Variants in SH3RF1 observed in about 807,000 individuals in gnomAD.
SH3RF1 encodes the protein SH3 domain containing ring finger 1.
In SH3RF1, 32 loss-of-function variants were observed where a neutral mutation model predicts 74.0. The ratio of observed to expected loss-of-function variants is 0.43; its 90% CI spans 0.33 to 0.58. SH3RF1 has a LOEUF of 0.58. Among genes scored for constraint, SH3RF1 ranks in the 20% least tolerant of loss-of-function variants. SH3RF1 has a pLI of 0.05. For synonymous variants in SH3RF1, 396 were observed against 439.6 expected (o/e 0.90, Z 1.24); for missense variants, 954 against 1,130.9 (o/e 0.84, Z 2.24).
At chr4:169,178,895 G>A (rs1734465751) in intron 2 of SH3RF1, among the ~76,000 whole-genome samples, 1 of 152,162 alleles carries the variant, frequency 6.6e-6, no homozygotes, top group African/African-American at 2.4e-5. Context: ...GTAATATCAA[G>A]TTACTTATTT....
intron 2 of SH3RF1, among the ~76,000 whole-genome samples, chr4:169,183,038 G>T (rs1041658695): frequency 2.0e-5 from 3 of 152,142 alleles, no homozygotes; most frequent in Non-Finnish European, 2.9e-5. Flanking sequence ...GGGCATGGTG[G>T]TTCATGCCTG....
At chr4:169,187,211 C>A (rs1734620341) in intron 2 of SH3RF1, among the ~76,000 whole-genome samples, 1 of 152,056 alleles carries the variant, frequency 6.6e-6, no homozygotes, top group Non-Finnish European at 1.5e-5. Flanking sequence ...TATGTGCTGA[C>A]TGATTGAAAC....
intron 3 of SH3RF1, 32 bp downstream of exon 3, chr4:169,156,372 G>T: frequency 6.6e-7 from 1 of 1,526,196 alleles, no homozygotes; most frequent in Non-Finnish European, 8.8e-7. Flanking sequence ...GGTAGAGCTG[G>T]CAAACAGAAA....
chr4:169,155,648 T>C (rs904802445), intron 3 of SH3RF1, 73 bp from the exon 4 acceptor site: 5 of 1,153,430 alleles, frequency 4.3e-6, no homozygotes, highest in Non-Finnish European at 2.6e-6. Context: ...TAATTTTCCT[T>C]TTCAATAAAG....
rs200277355 is a variant in SH3RF1 at position 169,192,782 on chromosome 4, CAT to C, written c.394-36105_394-36104del. On this transcript the variant is annotated intron_variant, in intron 2 of 11. Transcript: ENST00000284637. ...AAAGAAGCTGTTTCATATATATATA[CAT>C]ATATGTTTCTTTTATATATATATGA... Among the ~76,000 whole-genome samples the C allele has an allele frequency of 6.9e-3, 1,022 of 147,288 alleles. 9 individuals carry two copies. Among genetic ancestry groups the C allele is most frequent in the African/African-American group, 0.024 (942 of 39,310 alleles).
chr4:169,152,804 C>T (rs2126963171), intron 4 of SH3RF1, among the ~76,000 whole-genome samples: 1 of 152,294 alleles, frequency 6.6e-6, no homozygotes, highest in South Asian at 2.1e-4. Context: ...CACCTTACTC[C>T]AGTGCACGTG....
At chr4:169,243,263 T>C (rs1730942249) in intron 2 of SH3RF1, among the ~76,000 whole-genome samples, 1 of 152,190 alleles carries the variant, frequency 6.6e-6, no homozygotes, top group African/African-American at 2.4e-5. Flanking sequence ...AAATTAGAAC[T>C]GAACTTTGGG....
chr4:169,203,436 A>G (rs1028136488), intron 2 of SH3RF1, among the ~76,000 whole-genome samples: 5 of 152,176 alleles, frequency 3.3e-5, no homozygotes, highest in Admixed American at 2.0e-4. Flanking sequence ...CTGTAATCCC[A>G]GCTACTTGGA....
chr4:169,168,057 T>A (rs1734275521), intron 2 of SH3RF1, among the ~76,000 whole-genome samples: 1 of 152,174 alleles, frequency 6.6e-6, no homozygotes, highest in African/African-American at 2.4e-5. Context: ...GAAGGATCAC[T>A]TGAGCCCAGG....
intron 7 of SH3RF1, among the ~76,000 whole-genome samples, chr4:169,121,535 G>A (rs959346946): frequency 1.3e-5 from 2 of 152,128 alleles, no homozygotes; most frequent in African/African-American, 2.4e-5. Flanking sequence ...ATCACAAAAC[G>A]TACAAGACAA....
At chr4:169,148,588 C>T (rs77617403) in intron 4 of SH3RF1, among the ~76,000 whole-genome samples, 2,642 of 152,196 alleles carry the variant, frequency 0.017, 70 homozygotes, top group African/African-American at 0.061. Context: ...ATATCCTTTA[C>T]ATAAGATATG....
At chr4:169,175,001 C>T (rs1328542488) in intron 2 of SH3RF1, among the ~76,000 whole-genome samples, 2 of 152,174 alleles carry the variant, frequency 1.3e-5, no homozygotes, top group Non-Finnish European at 2.9e-5. Flanking sequence ...TTCCACCTAC[C>T]CCCATGAAAA....
chr4:169,126,011 CTA>C (rs1733518386), intron 6 of SH3RF1, among the ~76,000 whole-genome samples: 2 of 152,200 alleles, frequency 1.3e-5, no homozygotes, highest in African/African-American at 4.8e-5. Flanking sequence ...CATAAGGTCT[CTA>C]TGTTTCACTA....
chr4:169,256,512 G>A (rs1191954242), intron 2 of SH3RF1, among the ~76,000 whole-genome samples: 2 of 152,186 alleles, frequency 1.3e-5, no homozygotes, highest in Admixed American at 6.5e-5. Flanking sequence ...AAAACAGAAC[G>A]AAATGTTCTA....
At chr4:169,199,807 G>T (rs1258773440) in intron 2 of SH3RF1, among the ~76,000 whole-genome samples, 1 of 152,016 alleles carries the variant, frequency 6.6e-6, no homozygotes, top group African/African-American at 2.4e-5. Context: ...AAATATTAAG[G>T]TAAGGTGACA....
At chr4:169,117,824 C>T in intron 8 of SH3RF1, 42 bp from the exon 9 acceptor site, 1 of 1,575,276 alleles carries the variant, frequency 6.3e-7, no homozygotes, top group Non-Finnish European at 8.7e-7. Context: ...AGTCCATCAG[C>T]AAAATGACAG....
At position 169,187,646 on chromosome 4, in the gene SH3RF1, A is replaced by G. The variant is rs1412112962; in HGVS notation, c.394-30967T>C. On this transcript the variant is annotated intron_variant, in intron 2 of 11. Transcript: ENST00000284637. ...ATAACAACAAAGTAATAAAAGTCTG[A>G]TTAAAGACAAATTATCTGACCAGGC... 3.3e-5 allele frequency among the ~76,000 whole-genome samples: 5 copies of G among 152,152 alleles called. No homozygotes were observed. In the East Asian group the frequency reaches 7.7e-4, roughly 24 times the overall value.
chr4:169,238,098 G>A (rs927759331), intron 2 of SH3RF1, among the ~76,000 whole-genome samples: 1 of 152,216 alleles, frequency 6.6e-6, no homozygotes, highest in Admixed American at 6.5e-5. Context: ...AGCTGTCTTT[G>A]CTGTATTCAG....
chr4:169,157,779 T>C (rs1393414837), intron 2 of SH3RF1, among the ~76,000 whole-genome samples: 1 of 152,122 alleles, frequency 6.6e-6, no homozygotes, highest in African/African-American at 2.4e-5. Context: ...TCTTGCTCTG[T>C]TGCCCAGGCT....
Sources: gnomAD v4.1 joint callset for allele counts (sites outside exome capture counted in the v4.1 genomes callset) on GRCh38, gnomAD v4.1.1 for gene constraint, MANE v1.5 for transcripts, NCBI Gene and HGNC (gene_info 2026-07-23, HGNC 2026-07-21) for gene names.